The following RPGRIP1 variants were observed in gnomAD, a reference collection of about 807,000 sequenced individuals.
RPGRIP1 encodes RPGR interacting protein 1, also known as X-linked retinitis pigmentosa GTPase regulator-interacting protein 1.
RPGRIP1 carries 128 observed loss-of-function variants against 157.9 expected under a neutral mutation model. The ratio of observed to expected loss-of-function variants is 0.81; its 90% CI spans 0.70 to 0.94. The LOEUF is 0.94. Among genes scored for constraint, RPGRIP1 ranks in the 40% least tolerant of loss-of-function variants. The pLI is 0.00. For synonymous variants in RPGRIP1, 554 were observed against 571.6 expected, an observed-to-expected ratio of 0.97 and a Z score of 0.44; for missense variants, 1,486 against 1,545.8, an observed-to-expected ratio of 0.96 and a Z score of 0.65.
At chr14:21,314,289 G>GC (rs1172128187) in intron 10 of RPGRIP1, among the ~76,000 whole-genome samples, 3 of 152,016 alleles carry the variant, frequency 2.0e-5, no homozygotes, top group African/African-American at 7.2e-5. Flanking sequence ...TCGCCAGATT[G>GC]CCCAGGCTGG....
rs772778283 is a variant in RPGRIP1, at chr14:21,321,334, A to G, written c.1543A>G (p.Thr515Ala). The G allele has an allele frequency of 6.2e-7, 1 of 1,613,878 alleles. No individual in the cohort carries two copies. Among genetic ancestry groups the G allele is most frequent in the African/African-American group, 1.3e-5 (1 of 74,960 alleles). Residue 515 changes from threonine (T) to alanine (A), a missense_variant, in exon 13 of 25, where the codon ACC becomes GCC. By Grantham distance (58) the Thr-to-Ala change is moderately conservative. Coordinates refer to ENST00000400017, the MANE Select transcript of RPGRIP1 (RefSeq NM_020366.4). ...TGAGTTGCAAGTATCACACGCAGAGACCACATTGGAACTAGAAAAGACCAG... is the reference window on the plus strand; with the variant it reads ...TGAGTTGCAAGTATCACACGCAGAGGCCACATTGGAACTAGAAAAGACCAG... ...LNELQVSHAE[T>A]TLELEKTRDM... is the part of the protein sequence containing the mutation.
rs1881556085 is a variant in RPGRIP1 at position 21,311,920 on chromosome 14, T to A, written c.1027T>A (p.Leu343Met). ...LKEESKKAVS[L>M]KSQLEDVSIL... is the part of the protein sequence containing the mutation. ...GGAAGAAAGCAAGAAGGCTGTGAGC[T>A]TGAAGAGCCAACTGGAAGATGTGTC... The change falls in exon 9 of 25, where the codon TTG (leucine) becomes ATG (methionine). Residue 343 changes from leucine to methionine, a missense_variant. Leu to Met is a conservative substitution (Grantham distance 15). Transcript: ENST00000400017. The A allele has an allele frequency of 2.5e-6, 4 of 1,613,248 alleles. No homozygotes were observed. The highest frequency in any genetic ancestry group is 3.4e-6 in the Non-Finnish European group (4 of 1,179,668).
At chr14:21,326,252 T>C in intron 17 of RPGRIP1, 79 bp downstream of exon 17, 1 of 952,374 alleles carries the variant, frequency 1.1e-6, no homozygotes, top group South Asian at 1.8e-5. Flanking sequence ...TTTCTTTGAT[T>C]ACTTGCTTGA....
chr14:21,309,276 T>G (rs1594181615), intron 7 of RPGRIP1, among the ~76,000 whole-genome samples: 1 of 151,392 alleles, frequency 6.6e-6, no homozygotes, highest in Non-Finnish European at 1.5e-5. Flanking sequence ...CTTTGGGAGG[T>G]CAAGGAGGGA....
At chr14:21,347,767 C>T (rs1325273079) in intron 23 of RPGRIP1, among the ~76,000 whole-genome samples, 2 of 152,144 alleles carry the variant, frequency 1.3e-5, no homozygotes, top group African/African-American at 2.4e-5. Context: ...CTCGTTCTGT[C>T]ACCCAGGTTG....
chr14:21,287,924 T>A lies in RPGRIP1; in HGVS notation c.-38-15T>A. 7.9e-7 allele frequency: 1 copy of A among 1,268,568 alleles called. No individual in the cohort carries two copies. The highest frequency in any genetic ancestry group is 1.1e-6 in the Non-Finnish European group (1 of 880,460). 78.6% of individuals were successfully genotyped at this position (1,268,568 alleles called of 1,614,324 possible). ...AAAGTTGCATGTAACTGACTGGACT[T>A]TTCCTTTATTTCAGTGTCCTCTGGG... On this transcript the variant is annotated splice_polypyrimidine_tract_variant and intron_variant, in intron 1 of 24. Transcript: ENST00000400017.
In RPGRIP1 at chr14:21,320,159, A is replaced by G. The variant is rs755189031; in HGVS notation, c.1449A>G (p.Gln483=). The change falls in exon 12 of 25, where the codon CAA becomes CAG. Residue 483 remains glutamine (Q), a synonymous_variant. Transcript: ENST00000400017. The part of the protein sequence containing the change: ...SEPATHPAVL[Q]ENTQIEPSEP... ...CAGCCACTCACCCAGCTGTATTGCA[A>G]GAGAACACTCAGATCGAGGTAAGAG... 2 of 1,613,840 alleles carry G rather than the reference A, an allele frequency of 1.2e-6. No homozygotes were observed. Among genetic ancestry groups the G allele is most frequent in the African/African-American group, 1.3e-5 (1 of 74,926 alleles).
intron 18 of RPGRIP1, among the ~76,000 whole-genome samples, chr14:21,328,094 A>G (rs1883304011): frequency 1.3e-5 from 2 of 152,014 alleles, no homozygotes. Context: ...ACTTGAACCT[A>G]GGAGGTGGAG....
At chr14:21,286,055 T>A (rs1880286693) in intron 1 of RPGRIP1, among the ~76,000 whole-genome samples, 1 of 152,040 alleles carries the variant, frequency 6.6e-6, no homozygotes, top group African/African-American at 2.4e-5. Context: ...AATGGCACAA[T>A]TTCAGCTCAC....
chr14:21,303,590 G>A, intron 6 of RPGRIP1, 47 bp downstream of exon 6: 1 of 1,400,102 alleles, frequency 7.1e-7, no homozygotes, highest in South Asian at 1.2e-5. Context: ...AACTGAAAAA[G>A]CTAAGAGATT....
At chr14:21,341,036 CG>C (rs1271571544) in intron 21 of RPGRIP1, among the ~76,000 whole-genome samples, 1 of 149,532 alleles carries the variant, frequency 6.7e-6, no homozygotes, top group African/African-American at 2.4e-5. Flanking sequence ...CATCAAATAT[CG>C]TTTTTTTGTT....
At position 21,345,850 on chromosome 14, in the gene RPGRIP1, C is replaced by T. The variant is rs768573839; in HGVS notation, c.3617+653C>T. On this transcript the variant is annotated intron_variant, in intron 23 of 24. Coordinates refer to ENST00000400017, the MANE Select transcript of RPGRIP1 (RefSeq NM_020366.4). Reference sequence around the variant, plus strand: ...TCTTCTTTTTTTTGAGACAGTGTCTCACTCTGTTGTCCAGGCTGGAGTGCA... The same window carrying T: ...TCTTCTTTTTTTTGAGACAGTGTCTTACTCTGTTGTCCAGGCTGGAGTGCA... 6.6e-5 allele frequency among the ~76,000 whole-genome samples: 10 copies of T among 152,010 alleles called. No individual in the cohort carries two copies. In the South Asian group the frequency reaches 1.0e-3, roughly 16 times the overall value.
At chr14:21,317,546 A>G (rs1374461551) in intron 10 of RPGRIP1, 150 bp from the exon 11 acceptor site, 3 of 1,517,830 alleles carry the variant, frequency 2.0e-6, no homozygotes, top group Non-Finnish European at 2.6e-6. Flanking sequence ...GGCAGTTGGT[A>G]AATGACAGTT....
At chr14:21,315,807 T>C (rs1881766596) in intron 10 of RPGRIP1, among the ~76,000 whole-genome samples, 1 of 144,164 alleles carries the variant, frequency 6.9e-6, no homozygotes, top group Non-Finnish European at 1.5e-5. Flanking sequence ...ATTATTATTA[T>C]TTTTTTTTTG....
rs191876992 is a variant in RPGRIP1, at chr14:21,311,684, G to A, written c.931-140G>A. On this transcript the variant is annotated intron_variant, in intron 8 of 24. Coordinates refer to ENST00000400017, the MANE Select transcript of RPGRIP1 (RefSeq NM_020366.4). ...TGCTAGGGTGAAAAACAAGGTTAAC[G>A]AACAGTACAAAGGTAATAAGCTATT... 1.6e-4 allele frequency: 90 copies of A among 562,206 alleles called. 1 individual carries two copies. The Middle Eastern group carries it at 2.7e-3, about 17-fold the overall frequency. The allele number at this position is 562,206 out of a possible 1,614,324, so 34.8% of individuals were successfully genotyped here. A position where few individuals can be genotyped will look rare whatever the true frequency, so the allele number is the denominator to read the frequency against.
chr14:21,309,324 C>T (rs1461681517), intron 7 of RPGRIP1, among the ~76,000 whole-genome samples: 1 of 152,018 alleles, frequency 6.6e-6, no homozygotes, highest in African/African-American at 2.4e-5. Flanking sequence ...CCAGCCCAGA[C>T]AACATGGCGA....
At chr14:21,300,518 T>C (rs1424354575) in intron 3 of RPGRIP1, among the ~76,000 whole-genome samples, 1 of 152,096 alleles carries the variant, frequency 6.6e-6, no homozygotes, top group Non-Finnish European at 1.5e-5. Flanking sequence ...TATCCTTAAT[T>C]TGGAGCACAT....
chr14:21,348,605 CTT>C (rs1445727083), intron 24 of RPGRIP1, among the ~76,000 whole-genome samples: 7 of 151,136 alleles, frequency 4.6e-5, no homozygotes, highest in African/African-American at 7.3e-5. Context: ...TTGGACCTCT[CTT>C]GAGCATTTTC....
chr14:21,331,109 A>G (rs1378240382), intron 20 of RPGRIP1, among the ~76,000 whole-genome samples: 1 of 151,738 alleles, frequency 6.6e-6, no homozygotes, highest in Admixed American at 6.6e-5. Context: ...GGTTTTCTCC[A>G]TGTTGGTCAG....
Sources: allele counts gnomAD v4.1 joint callset (sites outside exome capture counted in the v4.1 genomes callset), GRCh38; gene constraint gnomAD v4.1.1; transcripts MANE v1.5; gene names NCBI Gene and HGNC (gene_info 2026-07-23, HGNC 2026-07-21).